CACNA2D3: variants seen among roughly 807,000 people sequenced by gnomAD.
The protein encoded by CACNA2D3 is voltage-dependent calcium channel subunit alpha-2/delta-3.
A neutral mutation model predicts 160.6 loss-of-function variants in CACNA2D3; 60 were observed. The ratio of observed to expected loss-of-function variants is 0.37; its 90% confidence interval spans 0.30 to 0.46. The LOEUF is 0.46. Among genes scored for constraint, CACNA2D3 ranks in the 20% least tolerant of loss-of-function variants. The pLI, the probability that CACNA2D3 is intolerant of heterozygous loss-of-function variation, is 1.00. For missense variants in CACNA2D3, 1,205 were observed against 1,365.0 expected (o/e 0.88, Z 1.85); for synonymous variants, 558 against 492.9 (o/e 1.13, Z -1.75).
intron 27 of CACNA2D3, among the ~76,000 whole-genome samples, chr3:54,941,357 G>A (rs954271985): frequency 6.6e-6 from 1 of 152,160 alleles, no homozygotes. Flanking sequence ...CAGTTATGAA[G>A]TAAGCCCCCT....
At chr3:54,763,103 G>GA (rs10665386) in intron 12 of CACNA2D3, among the ~76,000 whole-genome samples, 34,493 of 127,338 alleles carry the variant, frequency 0.27, 4,434 homozygotes, top group Admixed American at 0.33. Context: ...AAAAAAAAAA[G>GA]AAAGAAAAAG....
intron 3 of CACNA2D3, among the ~76,000 whole-genome samples, chr3:54,368,782 A>T (rs1698871098): frequency 7.3e-6 from 1 of 137,454 alleles, no homozygotes; most frequent in African/African-American, 2.6e-5. Flanking sequence ...GCTCACTGCA[A>T]GCTCCGCCTC....
intron 9 of CACNA2D3, among the ~76,000 whole-genome samples, chr3:54,609,629 AG>A (rs1488400429): frequency 1.3e-5 from 2 of 152,184 alleles, no homozygotes; most frequent in African/African-American, 4.8e-5. Context: ...AACAGAGAGG[AG>A]GGGGTTTTGT....
At position 54,471,784 on chromosome 3, in the gene CACNA2D3, T is replaced by C. The variant is rs150568969; in HGVS notation, c.382-31708T>C. 5.6e-3 allele frequency among the ~76,000 whole-genome samples: 846 copies of C among 152,058 alleles called. 13 individuals are homozygous for C. Among genetic ancestry groups the C allele is most frequent in the African/African-American group, 0.02 (811 of 41,476 alleles). ...AATATTATAAACACCTCTACACAAA[T>C]AAACTAGAAAATCTAGAAGAAATGC... On this transcript the variant is annotated intron_variant, in intron 4 of 37. Transcript: ENST00000474759.
intron 31 of CACNA2D3, among the ~76,000 whole-genome samples, chr3:55,004,095 A>G (rs1196164692): frequency 6.6e-6 from 1 of 152,222 alleles, no homozygotes; most frequent in East Asian, 1.9e-4. Context: ...TTTGCAACAG[A>G]GTAAAGGTCA....
At chr3:54,695,930 C>G (rs1045421828) in intron 11 of CACNA2D3, among the ~76,000 whole-genome samples, 1 of 152,124 alleles carries the variant, frequency 6.6e-6, no homozygotes, top group Non-Finnish European at 1.5e-5. Context: ...ATCAGATATT[C>G]TTTTCTTGGC....
chr3:54,932,646 AT>A (rs1701218505), intron 27 of CACNA2D3, among the ~76,000 whole-genome samples: 1 of 152,306 alleles, frequency 6.6e-6, no homozygotes, highest in African/African-American at 2.4e-5. Context: ...CACAGGTAAC[AT>A]CTGTCTTTCT....
intron 4 of CACNA2D3, among the ~76,000 whole-genome samples, chr3:54,423,407 G>A (rs1022191196): frequency 1.3e-5 from 2 of 152,116 alleles, no homozygotes; most frequent in African/African-American, 4.8e-5. Context: ...CCTACCTGGC[G>A]TTTTGGGGAA....
chr3:54,295,619 T>G (rs1388851978), intron 2 of CACNA2D3, among the ~76,000 whole-genome samples: 1 of 152,204 alleles, frequency 6.6e-6, no homozygotes, highest in East Asian at 1.9e-4. Context: ...TGATTAGCCT[T>G]TCACTGAATG....
intron 14 of CACNA2D3, among the ~76,000 whole-genome samples, chr3:54,830,396 G>A (rs1441072270): frequency 6.6e-6 from 1 of 151,794 alleles, no homozygotes; most frequent in African/African-American, 2.4e-5. Context: ...GATAACCGCC[G>A]GTCTTTGCTT....
intron 10 of CACNA2D3, among the ~76,000 whole-genome samples, chr3:54,629,989 T>G (rs1699199854): frequency 6.6e-6 from 1 of 150,414 alleles, no homozygotes; most frequent in South Asian, 2.2e-4. Context: ...GAAGCCTGAC[T>G]CAGCCAGAGT....
At chr3:54,924,226 A>T (rs1700943388) in intron 27 of CACNA2D3, among the ~76,000 whole-genome samples, 1 of 152,204 alleles carries the variant, frequency 6.6e-6, no homozygotes, top group Non-Finnish European at 1.5e-5. Context: ...AAGAGAGAAA[A>T]ATATCCCAGA....
At chr3:54,281,296 A>G (rs1702873506) in intron 2 of CACNA2D3, among the ~76,000 whole-genome samples, 1 of 152,200 alleles carries the variant, frequency 6.6e-6, no homozygotes, top group Admixed American at 6.5e-5. Context: ...AGGCATCACT[A>G]TATTTTTATG....
At chr3:54,584,365 A>G (rs1702725929) in intron 9 of CACNA2D3, among the ~76,000 whole-genome samples, 1 of 152,208 alleles carries the variant, frequency 6.6e-6, no homozygotes, top group Admixed American at 6.5e-5. Flanking sequence ...AATGGAAATT[A>G]TTGAACTGAA....
intron 10 of CACNA2D3, among the ~76,000 whole-genome samples, chr3:54,636,623 C>T (rs1444759388): frequency 6.6e-6 from 1 of 151,990 alleles, no homozygotes; most frequent in Non-Finnish European, 1.5e-5. Flanking sequence ...GTTGTTTGGA[C>T]AGAAAGGCTA....
chr3:54,375,045 C>T (rs1256535640), intron 3 of CACNA2D3, among the ~76,000 whole-genome samples: 1 of 152,168 alleles, frequency 6.6e-6, no homozygotes, highest in Non-Finnish European at 1.5e-5. Flanking sequence ...GTTCCCTCAT[C>T]CTGGAAGGCC....
chr3:54,644,043 A>G (rs1699584215), intron 11 of CACNA2D3, among the ~76,000 whole-genome samples: 1 of 152,160 alleles, frequency 6.6e-6, no homozygotes. Context: ...TATCACATGA[A>G]TCTTTCCCAC....
intron 2 of CACNA2D3, among the ~76,000 whole-genome samples, chr3:54,319,157 G>GACACACACACACACACAC (rs58790730): frequency 1.0e-3 from 142 of 138,962 alleles, no homozygotes; most frequent in African/African-American, 3.4e-3. Flanking sequence ...AGCATTTTGT[G>GACACACACACACACACAC]ACACACACAC....
At chr3:54,607,756 G>A (rs937310278) in intron 9 of CACNA2D3, among the ~76,000 whole-genome samples, 1 of 152,146 alleles carries the variant, frequency 6.6e-6, no homozygotes, top group Admixed American at 6.6e-5. Flanking sequence ...GAAAAATTAT[G>A]TTTATACAAA....
Sources: allele counts gnomAD v4.1 joint callset (sites outside exome capture counted in the v4.1 genomes callset), GRCh38; gene constraint gnomAD v4.1.1; transcripts MANE v1.5; gene names NCBI Gene and HGNC (gene_info 2026-07-23, HGNC 2026-07-21).